Variants in AFF3 observed in about 807,000 individuals in gnomAD.
AFF3 encodes ALF transcription elongation factor 3, also known as AF4/FMR2 family member 3.
In AFF3, 32 loss-of-function variants were observed where a neutral mutation model predicts 129.7. That is an observed-to-expected ratio of 0.25 (90% confidence interval 0.19 to 0.33). AFF3 has a LOEUF of 0.33. Ranked by LOEUF, AFF3 falls within the 10% of genes least tolerant of loss-of-function variation. AFF3 has a pLI of 1.00. For synonymous variants in AFF3, 644 were observed against 635.4 expected (o/e 1.01, Z -0.20); for missense variants, 1,373 against 1,592.0 (o/e 0.86, Z 2.34).
rs770557623 is a variant in AFF3 at position 99,593,830 on chromosome 2, C to T, written c.1831G>A (p.Ala611Thr). 6.2e-6 allele frequency: 10 copies of T among 1,604,396 alleles called. No individual in the cohort carries two copies. The highest frequency in any genetic ancestry group is 4.5e-5 in the East Asian group (2 of 44,604). ...ACCACGCTCGTCCCCAGCGCGTCCG[C>T]GGCCGCGGGCTCCTCGGGCCGGTGG... ...NCHRPEEPAA[A>T]DALGTSVVVP... The change falls in exon 15 of 25, where the codon GCG becomes ACG. Residue 611 changes from alanine to threonine, a missense_variant. Physicochemically the swap from Ala to Thr is moderately conservative, Grantham distance 58 (BLOSUM62 0). Transcript: ENST00000672756.
chr2:99,952,488 C>A (rs893255273), intron 7 of AFF3, among the ~76,000 whole-genome samples: 4 of 152,144 alleles, frequency 2.6e-5, no homozygotes, highest in African/African-American at 7.2e-5. Context: ...CTCTTGCAGA[C>A]CCCTCTGTCC....
At chr2:99,876,255 T>G (rs758478593) in intron 7 of AFF3, among the ~76,000 whole-genome samples, 1 of 152,220 alleles carries the variant, frequency 6.6e-6, no homozygotes, top group Non-Finnish European at 1.5e-5. Flanking sequence ...GACCTCCAGG[T>G]ACCTTTATCC....
chr2:99,672,709 T>G (rs1283653218), intron 11 of AFF3, 120 bp from the exon 12 acceptor site: 1 of 948,084 alleles, frequency 1.1e-6, no homozygotes, highest in Non-Finnish European at 1.6e-6. Context: ...ATAAGTCTAT[T>G]TGATTTCCTA....
chr2:99,681,540 C>T (rs1238946532), intron 11 of AFF3, among the ~76,000 whole-genome samples: 1 of 152,102 alleles, frequency 6.6e-6, no homozygotes, highest in Non-Finnish European at 1.5e-5. Flanking sequence ...AGAGATGGGG[C>T]CTTTGGGAGG....
At chr2:100,037,626 T>C (rs1428371679) in intron 4 of AFF3, among the ~76,000 whole-genome samples, 1 of 87,466 alleles carries the variant, frequency 1.1e-5, no homozygotes, top group East Asian at 2.8e-4. Context: ...TTATATTTTA[T>C]ATATTATTTA....
At chr2:99,722,253 G>A (rs1180645395) in intron 11 of AFF3, among the ~76,000 whole-genome samples, 1 of 152,044 alleles carries the variant, frequency 6.6e-6, no homozygotes, top group Non-Finnish European at 1.5e-5. Context: ...TATTACAGTG[G>A]CTATTTTTTC....
chr2:99,919,078 T>C (rs1286657285), intron 7 of AFF3, among the ~76,000 whole-genome samples: 3 of 152,112 alleles, frequency 2.0e-5, no homozygotes, highest in Admixed American at 6.6e-5. Flanking sequence ...TTTATGAATA[T>C]AGACAATAAT....
chr2:100,105,925 T>C, intron 2 of AFF3: 1 of 1,329,592 alleles, frequency 7.5e-7, no homozygotes, highest in South Asian at 1.2e-5. Context: ...CTCCCCTTTG[T>C]TCCTTTTTCT....
At chr2:99,943,601 C>CT (rs1005867673) in intron 7 of AFF3, among the ~76,000 whole-genome samples, 1 of 152,222 alleles carries the variant, frequency 6.6e-6, no homozygotes, top group Admixed American at 6.5e-5. Context: ...TATCAAGTGA[C>CT]TGAGTTTTTC....
intron 1 of AFF3, among the ~76,000 whole-genome samples, chr2:100,133,560 T>G (rs1692515660): frequency 6.6e-6 from 1 of 152,170 alleles, no homozygotes; most frequent in African/African-American, 2.4e-5. Context: ...TCTTCCTTTC[T>G]CAGCCTCCCA....
At chr2:99,567,819 G>A (rs1676115001) in intron 19 of AFF3, among the ~76,000 whole-genome samples, 1 of 152,210 alleles carries the variant, frequency 6.6e-6, no homozygotes, top group African/African-American at 2.4e-5. Flanking sequence ...GAATAATGCT[G>A]TAAACTTTAG....
intron 4 of AFF3, among the ~76,000 whole-genome samples, chr2:100,027,558 G>A (rs1035550003): frequency 8.5e-5 from 13 of 152,224 alleles, no homozygotes; most frequent in African/African-American, 2.9e-4. Flanking sequence ...TTTACTAACC[G>A]TCTATTCCTC....
intron 8 of AFF3, among the ~76,000 whole-genome samples, chr2:99,758,456 C>T (rs1047604108): frequency 1.3e-5 from 2 of 151,880 alleles, no homozygotes; most frequent in Non-Finnish European, 2.9e-5. Context: ...CGTGATGGCG[C>T]GCGCCTGTAA....
chr2:99,852,424 A>G (rs1016776750), intron 7 of AFF3, among the ~76,000 whole-genome samples: 6 of 152,214 alleles, frequency 3.9e-5, no homozygotes, highest in Non-Finnish European at 1.5e-5. Flanking sequence ...TCCTGAAAAC[A>G]TGCCTGAGTA....
chr2:100,008,739 T>C (rs568053147), intron 5 of AFF3, 73 bp downstream of exon 5: 81 of 1,537,844 alleles, frequency 5.3e-5, no homozygotes, highest in Non-Finnish European at 7.0e-5. Flanking sequence ...CCAATTCTTT[T>C]AGTCAAGGCC....
At chr2:99,711,642 A>G (rs1422439809) in intron 11 of AFF3, among the ~76,000 whole-genome samples, 2 of 152,198 alleles carry the variant, frequency 1.3e-5, no homozygotes, top group Non-Finnish European at 2.9e-5. Flanking sequence ...AGCTGATGGT[A>G]TTTCTGAAAG....
intron 13 of AFF3, among the ~76,000 whole-genome samples, chr2:99,613,231 A>G (rs369959824): frequency 1.6e-4 from 24 of 152,210 alleles, no homozygotes; most frequent in East Asian, 5.8e-4. Context: ...GTTTTGTATC[A>G]TGATGGTTTT....
At chr2:99,957,250 T>C (rs916088382) in intron 7 of AFF3, among the ~76,000 whole-genome samples, 10 of 152,170 alleles carry the variant, frequency 6.6e-5, no homozygotes, top group African/African-American at 1.7e-4. Context: ...CAATTCAACA[T>C]AGACCCCTGA....
At chr2:99,933,141 C>G (rs907403972) in intron 7 of AFF3, among the ~76,000 whole-genome samples, 12 of 150,710 alleles carry the variant, frequency 8.0e-5, no homozygotes, top group African/African-American at 2.7e-4. Context: ...TGAGTTTCAC[C>G]GGAGGTCTTT....
Sources: gnomAD v4.1 joint callset for allele counts (sites outside exome capture counted in the v4.1 genomes callset) on GRCh38, gnomAD v4.1.1 for gene constraint, MANE v1.5 for transcripts, NCBI Gene and HGNC (gene_info 2026-07-23, HGNC 2026-07-21) for gene names.